Variants in ISM1 observed in about 807,000 individuals in gnomAD.
The protein encoded by ISM1 is isthmin 1.
ISM1 carries 25 observed loss-of-function variants against 46.3 expected under a neutral mutation model. The ratio of observed to expected loss-of-function variants is 0.54; its 90% CI spans 0.39 to 0.75. The LOEUF is 0.75. Among genes scored for constraint, ISM1 ranks in the 30% least tolerant of loss-of-function variants. The pLI, the probability that ISM1 is intolerant of heterozygous loss-of-function variation, is 0.00. For synonymous variants in ISM1, 255 were observed against 256.7 expected, an observed-to-expected ratio of 0.99 and a Z score of 0.06; for missense variants, 536 against 625.4, an observed-to-expected ratio of 0.86 and a Z score of 1.52.
At chr20:13,259,576 T>A (rs2039966156) in intron 1 of ISM1, among the ~76,000 whole-genome samples, 1 of 152,156 alleles carries the variant, frequency 6.6e-6, no homozygotes, top group Non-Finnish European at 1.5e-5. Flanking sequence ...GAGAAACAGA[T>A]GTTTATAAAG....
rs1349671057 is a variant in ISM1, at chr20:13,288,586, C to T, written c.690C>T (p.Ser230=). 4 of 1,613,814 alleles carry T rather than the reference C, an allele frequency of 2.5e-6. No homozygotes were observed. Among genetic ancestry groups the T allele is most frequent in the Non-Finnish European group, 2.5e-6 (3 of 1,179,840 alleles). ...ACTGGAGTCTCTGGTCTGTCTGCAG[C>T]GTCACCTGCGGGAACGGCAACCAGA... is the stretch of plus-strand genomic sequence containing the variant. ...EGDWSLWSVC[S]VTCGNGNQKR... The change falls in exon 4 of 6, where the codon AGC becomes AGT. Residue 230 remains serine (S), a synonymous_variant. Coordinates refer to ENST00000262487, the MANE Select transcript of ISM1 (RefSeq NM_080826.2).
At chr20:13,255,396 T>G (rs1428704190) in intron 1 of ISM1, among the ~76,000 whole-genome samples, 1 of 152,194 alleles carries the variant, frequency 6.6e-6, no homozygotes, top group Non-Finnish European at 1.5e-5. Context: ...GTGTGTGTGT[T>G]TTTAGCCAGA....
At chr20:13,268,163 T>TCTCTC (rs142810604) in intron 1 of ISM1, among the ~76,000 whole-genome samples, 13 of 150,012 alleles carry the variant, frequency 8.7e-5, no homozygotes, top group South Asian at 4.3e-4. Flanking sequence ...TCCCTTCCCT[T>TCTCTC]CTCTCCTCTC....
the ISM1 span, among the ~76,000 whole-genome samples, chr20:13,307,167 G>A: frequency 2.6e-5 from 4 of 152,110 alleles, no homozygotes; most frequent in Admixed American, 2.6e-4. Flanking sequence ...TGTCTACACA[G>A]CACCATTCCA....
chr20:13,272,370 T>C (rs1006434637), intron 2 of ISM1, among the ~76,000 whole-genome samples: 1 of 152,180 alleles, frequency 6.6e-6, no homozygotes. Context: ...CCCCGCTGTA[T>C]ATAAAATGCT....
rs189501635 is a variant in ISM1 at position 13,256,850 on chromosome 20, G to C, written c.139-13654G>C. ...AGTGGGAAGCTTTGAAAGCCAATCG[G>C]TAGAAGTGATACGTAAAAGTGTTTG... On this transcript the variant is annotated intron_variant, in intron 1 of 5. Coordinates refer to ENST00000262487, the MANE Select transcript of ISM1 (RefSeq NM_080826.2). Among the ~76,000 whole-genome samples, 4 of 152,302 alleles carry C rather than the reference G, an allele frequency of 2.6e-5. No homozygotes were observed. The East Asian group carries it at 7.7e-4, about 29-fold the overall frequency.
chr20:13,293,512 T>G (rs1379696433), intron 5 of ISM1, among the ~76,000 whole-genome samples: 1 of 152,148 alleles, frequency 6.6e-6, no homozygotes, highest in Non-Finnish European at 1.5e-5. Context: ...TCTTTTTTTT[T>G]TTCATAGCCC....
the ISM1 span, among the ~76,000 whole-genome samples, chr20:13,311,143 G>A: frequency 2.6e-5 from 4 of 152,086 alleles, no homozygotes; most frequent in African/African-American, 7.2e-5. Context: ...GCAGTGAGCT[G>A]AGATCATGCC....
intron 2 of ISM1, among the ~76,000 whole-genome samples, chr20:13,270,950 C>T (rs2040108018): frequency 6.6e-6 from 1 of 152,058 alleles, no homozygotes; most frequent in African/African-American, 2.4e-5. Flanking sequence ...ATTTTGTGAA[C>T]CACTCAAAAG....
intron 4 of ISM1, among the ~76,000 whole-genome samples, chr20:13,290,506 G>A (rs1380208145): frequency 2.0e-5 from 3 of 151,980 alleles, no homozygotes; most frequent in Non-Finnish European, 2.9e-5. Flanking sequence ...AATATTAGTC[G>A]GGCATGGTGG....
Position 13,299,030 on chromosome 20 carries a change from C to T in ISM1, c.966C>T (p.Cys322=). 1 of 1,613,754 alleles carries T rather than the reference C, an allele frequency of 6.2e-7. No individual in the cohort carries two copies. Among genetic ancestry groups the T allele is most frequent in the Non-Finnish European group, 8.5e-7 (1 of 1,179,786 alleles). Residue 322 remains cysteine, a synonymous_variant, in exon 6 of 6, where the codon TGC becomes TGT. Transcript: ENST00000262487. The surrounding 1 kb of genome is among the most constrained non-coding windows in gnomAD (Gnocchi z 5.8). ...AGGTGATGAATGACCTGCCCAGCTG[C>T]CCCTGCTCCTACCCCACTGAGGTGG... ...MHKVMNDLPS[C]PCSYPTEVAY...
chr20:13,315,042 T>A, the ISM1 span, among the ~76,000 whole-genome samples: 1 of 152,004 alleles, frequency 6.6e-6, no homozygotes, highest in African/African-American at 2.4e-5. Context: ...GAAGTATAAC[T>A]AATATGCTAA....
At chr20:13,225,060 A>G (rs184262979) in intron 1 of ISM1, among the ~76,000 whole-genome samples, 6,371 of 147,602 alleles carry the variant, frequency 0.043, 151 homozygotes, top group Middle Eastern at 0.086. Context: ...TCACCGTGTT[A>G]GCCAGGATGG....
chr20:13,267,553 C>A (rs922335377), intron 1 of ISM1, among the ~76,000 whole-genome samples: 6 of 152,160 alleles, frequency 3.9e-5, no homozygotes, highest in African/African-American at 1.4e-4. Flanking sequence ...GCTTTACATG[C>A]AAAGTCCTCG....
intron 1 of ISM1, among the ~76,000 whole-genome samples, chr20:13,254,234 AAAAT>A (rs145810710): frequency 1.2e-4 from 18 of 150,722 alleles, no homozygotes; most frequent in African/African-American, 3.9e-4. Context: ...CTCCATCTCA[AAAAT>A]AAATAAATAA....
intron 1 of ISM1, among the ~76,000 whole-genome samples, chr20:13,255,148 C>T (rs1303545293): frequency 6.6e-6 from 1 of 152,134 alleles, no homozygotes; most frequent in Admixed American, 6.5e-5. Context: ...GGAAAGAACA[C>T]TGGTTATATA....
At chr20:13,315,344 C>T in the ISM1 span, among the ~76,000 whole-genome samples, 1 of 151,938 alleles carries the variant, frequency 6.6e-6, no homozygotes, top group Non-Finnish European at 1.5e-5. Context: ...TAAGTGTTTG[C>T]AGAAACATGT....
chr20:13,311,242 A>ATAGATAGAT, the ISM1 span, among the ~76,000 whole-genome samples: 14 of 98,152 alleles, frequency 1.4e-4, no homozygotes, highest in African/African-American at 5.4e-4. Flanking sequence ...AGATAGATAG[A>ATAGATAGAT]TGATAGATAG....
Position 13,279,690 on chromosome 20 carries a change from G to A in ISM1, c.435G>A (p.Pro145=), listed in dbSNP as rs371482257. The A allele has an allele frequency of 3.0e-5, 49 of 1,614,006 alleles. No homozygotes were observed. The highest frequency in any genetic ancestry group is 2.5e-4 in the East Asian group (11 of 44,890). ...CTGAAGCAGATAAAGATCAGCATCC[G>A]GAGAATAAGCCCAGCTGGTCAGTCC... The part of the protein sequence containing the change: ...PDSEADKDQH[P]ENKPSWSVPS... The change falls in exon 3 of 6, where the codon CCG becomes CCA. Residue 145 remains proline (P), a synonymous_variant. Coordinates refer to ENST00000262487, the MANE Select transcript of ISM1 (RefSeq NM_080826.2).
Sources: allele counts gnomAD v4.1 joint callset (sites outside exome capture counted in the v4.1 genomes callset), GRCh38; gene constraint gnomAD v4.1.1; non-coding constraint Gnocchi (gnomAD v3.1); transcripts MANE v1.5; gene names NCBI Gene and HGNC (gene_info 2026-07-23, HGNC 2026-07-21).